The following CNST variants were observed in gnomAD, a reference collection of about 807,000 sequenced individuals.
CNST encodes consortin.
CNST carries 39 observed loss-of-function variants against 72.4 expected under a neutral mutation model. That is an observed-to-expected ratio of 0.54 (90% CI 0.42 to 0.70). CNST has a LOEUF of 0.70. CNST is among the 30% of genes least tolerant of loss of function. CNST has a pLI of 0.00. For synonymous variants in CNST, 332 were observed against 320.1 expected, an observed-to-expected ratio of 1.04 and a Z score of -0.40; for missense variants, 871 against 868.5, an observed-to-expected ratio of 1.00 and a Z score of -0.04.
chr1:246,575,457 A>G (rs1660343664), intron 1 of CNST, among the ~76,000 whole-genome samples: 1 of 152,204 alleles, frequency 6.6e-6, no homozygotes, highest in Non-Finnish European at 1.5e-5. Flanking sequence ...GAAAGAAGCT[A>G]ATTGCAATAG....
chr1:246,655,846 TAA>T (rs905881538), intron 9 of CNST, among the ~76,000 whole-genome samples: 2 of 152,182 alleles, frequency 1.3e-5, no homozygotes, highest in African/African-American at 4.8e-5. Flanking sequence ...ATAAGGCTTC[TAA>T]AAGAGAGTTG....
At chr1:246,665,163 AG>A (rs1667337586) in intron 10 of CNST, among the ~76,000 whole-genome samples, 1 of 152,158 alleles carries the variant, frequency 6.6e-6, no homozygotes, top group South Asian at 2.1e-4. Flanking sequence ...TGAGGCCAGG[AG>A]TTCAAGACCA....
intron 2 of CNST, among the ~76,000 whole-genome samples, chr1:246,596,397 CAA>C (rs748839359): frequency 6.0e-4 from 66 of 110,318 alleles, no homozygotes; most frequent in African/African-American, 2.0e-3. Context: ...GATCCTGTCT[CAA>C]AAAAAAAAAA....
At chr1:246,574,115 C>G (rs542800312) in intron 1 of CNST, among the ~76,000 whole-genome samples, 1 of 152,350 alleles carries the variant, frequency 6.6e-6, no homozygotes, top group Admixed American at 6.5e-5. Flanking sequence ...TCTCAGCTCA[C>G]TGCAAGCTCC....
chr1:246,610,236 G>A (rs756966479), intron 2 of CNST, among the ~76,000 whole-genome samples: 20 of 152,070 alleles, frequency 1.3e-4, no homozygotes, highest in Admixed American at 9.2e-4. Flanking sequence ...AGCTGAGATC[G>A]TGCCACTGCA....
intron 2 of CNST, among the ~76,000 whole-genome samples, chr1:246,604,717 G>A (rs1234009086): frequency 6.6e-6 from 1 of 152,070 alleles, no homozygotes; most frequent in Non-Finnish European, 1.5e-5. Context: ...TGCTCATGCT[G>A]GAGTGCAATG....
intron 8 of CNST, among the ~76,000 whole-genome samples, chr1:246,645,233 T>G (rs1665962847): frequency 1.3e-5 from 2 of 152,044 alleles, no homozygotes; most frequent in South Asian, 2.1e-4. Flanking sequence ...GGTATGGGCC[T>G]CAATTGTCAG....
chr1:246,594,147 T>C (rs6663956), intron 2 of CNST, among the ~76,000 whole-genome samples: 138,778 of 152,044 alleles, frequency 0.91, 63,328 homozygotes, highest in South Asian at 0.94. Flanking sequence ...CCTTCCATGG[T>C]CTTTATTCCA....
intron 6 of CNST, among the ~76,000 whole-genome samples, chr1:246,638,321 G>A (rs1280735170): frequency 6.6e-6 from 1 of 152,192 alleles, no homozygotes; most frequent in African/African-American, 2.4e-5. Context: ...AGGGCTACTT[G>A]TTTGGCCGCC....
intron 2 of CNST, among the ~76,000 whole-genome samples, chr1:246,615,856 CA>C (rs1481425442): frequency 3.1e-4 from 46 of 150,196 alleles, no homozygotes; most frequent in African/African-American, 9.8e-4. Context: ...CCAGCCTGGG[CA>C]AAAAGAGCAG....
chr1:246,613,002 G>A (rs1376841890), intron 2 of CNST, among the ~76,000 whole-genome samples: 1 of 152,134 alleles, frequency 6.6e-6, no homozygotes, highest in Non-Finnish European at 1.5e-5. Flanking sequence ...CTATATGCCA[G>A]CCACTGTGGT....
At chr1:246,643,547 G>T (rs1368056975) in intron 8 of CNST, among the ~76,000 whole-genome samples, 1 of 152,170 alleles carries the variant, frequency 6.6e-6, no homozygotes, top group Non-Finnish European at 1.5e-5. Context: ...TGGTACAGAT[G>T]GGGAAACTGA....
chr1:246,593,296 A>C (rs1426516757), intron 2 of CNST, among the ~76,000 whole-genome samples: 1 of 149,864 alleles, frequency 6.7e-6, no homozygotes, highest in East Asian at 1.9e-4. Flanking sequence ...ACTCAAAATA[A>C]TTTTTAACCA....
intron 4 of CNST, chr1:246,632,206 ATTATT>A (rs369483190): frequency 2.4e-4 from 68 of 283,876 alleles, no homozygotes; most frequent in African/African-American, 1.0e-3. Context: ...GAAAATTTGT[ATTATT>A]TTAATTATTT....
intron 9 of CNST, among the ~76,000 whole-genome samples, chr1:246,649,161 G>GTTTTT (rs58577110): frequency 7.4e-6 from 1 of 134,378 alleles, no homozygotes. Flanking sequence ...CTGTTGTTTT[G>GTTTTT]TTTTTTTTTT....
intron 1 of CNST, among the ~76,000 whole-genome samples, chr1:246,586,425 A>G (rs1374435960): frequency 6.8e-6 from 1 of 148,148 alleles, no homozygotes; most frequent in Non-Finnish European, 1.5e-5. Flanking sequence ...ATATATATCT[A>G]TATATGATAT....
At chr1:246,636,568 G>A (rs1273532268) in intron 6 of CNST, among the ~76,000 whole-genome samples, 2 of 152,146 alleles carry the variant, frequency 1.3e-5, no homozygotes, top group Admixed American at 1.3e-4. Flanking sequence ...GAAATACCAC[G>A]GGTGATTTTC....
intron 6 of CNST, among the ~76,000 whole-genome samples, chr1:246,638,166 G>A (rs1298432482): frequency 6.6e-6 from 1 of 152,192 alleles, no homozygotes; most frequent in East Asian, 1.9e-4. Context: ...CATTGTTTGA[G>A]CATGAGGAAG....
intron 2 of CNST, among the ~76,000 whole-genome samples, chr1:246,618,476 A>G (rs1185165454): frequency 1.3e-5 from 2 of 152,216 alleles, no homozygotes; most frequent in South Asian, 4.1e-4. Flanking sequence ...ATCCTTTTGT[A>G]GTATGAGTCT....
Sources: allele counts gnomAD v4.1 joint callset (sites outside exome capture counted in the v4.1 genomes callset), GRCh38; gene constraint gnomAD v4.1.1; transcripts MANE v1.5; gene names NCBI Gene and HGNC (gene_info 2026-07-23, HGNC 2026-07-21).